The following PEX14 variants were observed in gnomAD, a reference collection of about 807,000 sequenced individuals.
PEX14 encodes the protein peroxisomal biogenesis factor 14, also known as peroxisomal membrane protein PEX14.
In PEX14, 15 loss-of-function variants were observed where a neutral mutation model predicts 49.5. That is an observed-to-expected ratio of 0.30 (90% confidence interval 0.20 to 0.47). The LOEUF is 0.47. Ranked by LOEUF, PEX14 falls within the 20% of genes least tolerant of loss-of-function variation. PEX14 has a pLI of 1.00. For synonymous variants in PEX14, 210 were observed against 212.7 expected (o/e 0.99, Z 0.11); for missense variants, 398 against 494.8 (o/e 0.80, Z 1.86).
intron 4 of PEX14, among the ~76,000 whole-genome samples, chr1:10,616,409 C>T (rs1641418211): frequency 6.6e-6 from 1 of 152,200 alleles, no homozygotes; most frequent in Non-Finnish European, 1.5e-5. Flanking sequence ...TCTCAAGCAG[C>T]AAGTCCTTCA....
At chr1:10,485,976 T>C (rs917108524) in intron 1 of PEX14, among the ~76,000 whole-genome samples, 1 of 151,958 alleles carries the variant, frequency 6.6e-6, no homozygotes, top group Non-Finnish European at 1.5e-5. Context: ...CAGGCTGGTC[T>C]TGAACTCCTG....
chr1:10,475,982 A>C lies in PEX14; in HGVS notation c.36+980A>C, dbSNP rs117926038. ...CGTGTGCTCTGTTGAGCCTGTATTGAACCTGTGTGACTCCACTAGTCATCC... is the reference window on the plus strand; with the variant it reads ...CGTGTGCTCTGTTGAGCCTGTATTGCACCTGTGTGACTCCACTAGTCATCC... On this transcript the variant is annotated intron_variant, in intron 1 of 8. Coordinates refer to ENST00000356607, the MANE Select transcript of PEX14 (RefSeq NM_004565.3). 2.9e-3 allele frequency among the ~76,000 whole-genome samples: 441 copies of C among 152,298 alleles called. 11 individuals are homozygous for C. The East Asian group carries it at 0.033, about 11-fold the overall frequency.
In PEX14 at chr1:10,506,074, C is replaced by T. The variant is rs911823004; in HGVS notation, c.84+10753C>T. Reference sequence around the variant, plus strand: ...GCTTGCATTTGGCATCCCTGTCTGACCAACTTGCTGTTTGGGTCCCATGGA... The same window carrying T: ...GCTTGCATTTGGCATCCCTGTCTGATCAACTTGCTGTTTGGGTCCCATGGA... On this transcript the variant is annotated intron_variant, in intron 2 of 8. Coordinates refer to ENST00000356607, the MANE Select transcript of PEX14 (RefSeq NM_004565.3). 5.3e-5 allele frequency among the ~76,000 whole-genome samples: 8 copies of T among 151,966 alleles called. No individual in the cohort carries two copies. The South Asian group carries it at 1.5e-3, about 28-fold the overall frequency.
At chr1:10,548,657 A>G (rs1280881566) in intron 3 of PEX14, among the ~76,000 whole-genome samples, 1 of 152,116 alleles carries the variant, frequency 6.6e-6, no homozygotes, top group African/African-American at 2.4e-5. Flanking sequence ...GTGTGCTTCT[A>G]TTTTAAATTT....
intron 3 of PEX14, among the ~76,000 whole-genome samples, chr1:10,559,814 T>C (rs2124526670): frequency 6.6e-6 from 1 of 152,236 alleles, no homozygotes. Flanking sequence ...CTGAGACAGA[T>C]TGTGGTAAAG....
chr1:10,508,356 G>A (rs1292106393), intron 2 of PEX14, among the ~76,000 whole-genome samples: 5 of 152,008 alleles, frequency 3.3e-5, no homozygotes, highest in African/African-American at 4.8e-5. Flanking sequence ...ACAGGCGCCC[G>A]CCACCATGCC....
chr1:10,591,186 G>T (rs1482459716), intron 3 of PEX14, among the ~76,000 whole-genome samples: 1 of 152,188 alleles, frequency 6.6e-6, no homozygotes, highest in Non-Finnish European at 1.5e-5. Flanking sequence ...ATTTAGAGCT[G>T]AAAGAAACAT....
intron 3 of PEX14, among the ~76,000 whole-genome samples, chr1:10,573,367 C>A (rs548845005): frequency 6.6e-6 from 1 of 151,848 alleles, no homozygotes; most frequent in South Asian, 2.1e-4. Flanking sequence ...GAGGCCAAAG[C>A]GGAGGATTGT....
At chr1:10,616,579 C>T (rs1641424419) in intron 4 of PEX14, among the ~76,000 whole-genome samples, 1 of 152,194 alleles carries the variant, frequency 6.6e-6, no homozygotes, top group South Asian at 2.1e-4. Context: ...CTGTGTCCCA[C>T]CCACGCCCCT....
At position 10,628,616 on chromosome 1, in the gene PEX14, A is replaced by T. The variant is rs1213280077; in HGVS notation, c.678-915A>T. ...GAGACCAGTGCCTTGGAGGCTGGGGATGGAGGCCAGGCCATCGGGTGACCG... is the reference window on the plus strand; with the variant it reads ...GAGACCAGTGCCTTGGAGGCTGGGGTTGGAGGCCAGGCCATCGGGTGACCG... On this transcript the variant is annotated intron_variant, in intron 8 of 8. Transcript: ENST00000356607. The surrounding 1 kb of genome is among the most constrained non-coding windows in gnomAD (Gnocchi z 4.5). Among the ~76,000 whole-genome samples the T allele has an allele frequency of 6.6e-6, 1 of 152,148 alleles. No homozygotes were observed. Among genetic ancestry groups the T allele is most frequent in the Non-Finnish European group, 1.5e-5 (1 of 68,006 alleles).
rs1638573322 is a variant in PEX14 at position 10,529,136 on chromosome 1, A to C, written c.85-7077A>C. 6.6e-6 allele frequency among the ~76,000 whole-genome samples: 1 copy of C among 152,182 alleles called. No individual in the cohort carries two copies. The highest frequency in any genetic ancestry group is 2.4e-5 in the African/African-American group (1 of 41,434). The stretch of plus-strand genomic sequence containing the variant: ...GGGATGCGTGGGGACAAGGCATTTA[A>C]ATGTGCTTTTCTTTCTCCCTGAAGG... On this transcript the variant is annotated intron_variant, in intron 2 of 8. Coordinates refer to ENST00000356607, the MANE Select transcript of PEX14 (RefSeq NM_004565.3). The surrounding 1 kb of genome is among the most constrained non-coding windows in gnomAD (Gnocchi z 4.2).
chr1:10,484,097 T>G (rs1641328773), intron 1 of PEX14, among the ~76,000 whole-genome samples: 1 of 150,694 alleles, frequency 6.6e-6, no homozygotes, highest in Non-Finnish European at 1.5e-5. Context: ...GGCTCAGTCT[T>G]GGCTCACTGC....
At chr1:10,585,811 G>A (rs1487032373) in intron 3 of PEX14, among the ~76,000 whole-genome samples, 1 of 152,226 alleles carries the variant, frequency 6.6e-6, no homozygotes, top group Non-Finnish European at 1.5e-5. Flanking sequence ...CAGGAGAATT[G>A]CTTGAATCTG....
At chr1:10,559,912 A>G (rs1230214317) in intron 3 of PEX14, among the ~76,000 whole-genome samples, 2 of 151,792 alleles carry the variant, frequency 1.3e-5, no homozygotes, top group African/African-American at 4.8e-5. Flanking sequence ...CCCCTGGTCC[A>G]CTCTGCGTTG....
chr1:10,535,984 G>A (rs1570227646), intron 2 of PEX14: 2 of 514,306 alleles, frequency 3.9e-6, no homozygotes, highest in South Asian at 4.0e-5. Context: ...CCTGAAGCTC[G>A]GCAGAGGGAT....
At chr1:10,506,288 T>G (rs1641781250) in intron 2 of PEX14, among the ~76,000 whole-genome samples, 1 of 152,144 alleles carries the variant, frequency 6.6e-6, no homozygotes, top group Non-Finnish European at 1.5e-5. Flanking sequence ...TTTTGTGTGT[T>G]TTTTTGAGAT....
chr1:10,629,654 C>G lies in PEX14; in HGVS notation c.801C>G (p.Val267=). 1 of 1,614,002 alleles carries G rather than the reference C, an allele frequency of 6.2e-7. No homozygotes were observed. The highest frequency in any genetic ancestry group is 8.5e-7 in the Non-Finnish European group (1 of 1,179,948). Residue 267 remains valine (V), a synonymous_variant, in exon 9 of 9, where the codon GTC becomes GTG. Coordinates refer to ENST00000356607, the MANE Select transcript of PEX14 (RefSeq NM_004565.3). This position sits in a 1 kb window ranked among gnomAD's most constrained non-coding sequence, Gnocchi z 8.5. The part of the protein sequence containing the change: ...NHHSSSDISP[V]SNESTSSSPG... Reference sequence around the variant, plus strand: ...ACAGCAGCAGCGACATCTCACCTGTCAGCAACGAGTCCACGTCGTCCTCGC... The same window carrying G: ...ACAGCAGCAGCGACATCTCACCTGTGAGCAACGAGTCCACGTCGTCCTCGC...
chr1:10,511,603 C>CTGACTTCTGTGGACTCTAGAATTTA (rs1641885076), intron 2 of PEX14, among the ~76,000 whole-genome samples: 1 of 152,178 alleles, frequency 6.6e-6, no homozygotes, highest in East Asian at 1.9e-4. Context: ...CTATGGACTC[C>CTGACTTCTGTGGACTCTAGAATTTA]TGACTTCTGT....
At chr1:10,575,670 G>A (rs983363671) in intron 3 of PEX14, among the ~76,000 whole-genome samples, 7 of 151,986 alleles carry the variant, frequency 4.6e-5, no homozygotes, top group Non-Finnish European at 8.8e-5. Flanking sequence ...TTTTTCTAAC[G>A]TTCTTCTAGT....
Sources: allele counts gnomAD v4.1 joint callset (sites outside exome capture counted in the v4.1 genomes callset), GRCh38; gene constraint gnomAD v4.1.1; non-coding constraint Gnocchi (gnomAD v3.1); transcripts MANE v1.5; gene names NCBI Gene and HGNC (gene_info 2026-07-23, HGNC 2026-07-21).